CHFR: variants seen among roughly 807,000 people sequenced by gnomAD.
CHFR encodes the protein E3 ubiquitin-protein ligase CHFR.
Under a neutral mutation model 87.6 loss-of-function variants are expected in CHFR, and 57 were observed. The ratio of observed to expected loss-of-function variants is 0.65; its 90% confidence interval spans 0.53 to 0.81. CHFR has a LOEUF of 0.81. CHFR is among the 30% of genes least tolerant of loss of function. The pLI is 0.00. For synonymous variants in CHFR, 381 were observed against 359.2 expected (o/e 1.06, Z -0.69); for missense variants, 797 against 865.8 (o/e 0.92, Z 1.00).
Position 132,859,244 on chromosome 12 carries a change from T to C in CHFR, c.752-17A>G, listed in dbSNP as rs1951158315. The C allele has an allele frequency of 8.7e-6, 14 of 1,608,408 alleles. No homozygotes were observed. Among genetic ancestry groups the C allele is most frequent in the African/African-American group, 1.3e-5 (1 of 74,846 alleles). ...GGTCCCCATCTACAGGAGAAAGGGA[T>C]GTGTTCTGTCGTAACCAAGAAGGAA... is the stretch of plus-strand genomic sequence containing the variant. On this transcript the variant is annotated splice_polypyrimidine_tract_variant and intron_variant, in intron 7 of 17. Transcript: ENST00000450056.
chr12:132,859,041 G>C (rs779551849), intron 8 of CHFR, 27 bp downstream of exon 8: 1 of 1,600,920 alleles, frequency 6.2e-7, no homozygotes, highest in East Asian at 2.2e-5. Flanking sequence ...GCCATGTTCC[G>C]TGAGCCAAGG....
intron 9 of CHFR, 155 bp downstream of exon 9, chr12:132,857,250 G>A: frequency 1.2e-6 from 1 of 810,530 alleles, no homozygotes; most frequent in Non-Finnish European, 2.0e-6. Flanking sequence ...GTGCCCGGGT[G>A]CTGGTGGAGG....
rs150476934 is a variant in CHFR at position 132,883,595 on chromosome 12, C to T, written c.133+3601G>A. On this transcript the variant is annotated intron_variant, in intron 2 of 17. Transcript: ENST00000450056. Reference sequence around the variant, plus strand: ...AAAAAAAATTAGCCGGGCATGGTGGCGGGTGCCTGTAGTCCCAGCTACTTG... The same window carrying T: ...AAAAAAAATTAGCCGGGCATGGTGGTGGGTGCCTGTAGTCCCAGCTACTTG... Among the ~76,000 whole-genome samples, 1,157 of 151,250 alleles carry T rather than the reference C, an allele frequency of 7.6e-3. 12 individuals are homozygous for T. Among genetic ancestry groups the T allele is most frequent in the African/African-American group, 0.027 (1,102 of 41,212 alleles).
Position 132,877,596 on chromosome 12 carries a change from T to C in CHFR, c.192A>G (p.Val64=). The C allele has an allele frequency of 6.2e-7, 1 of 1,613,552 alleles. No individual in the cohort carries two copies. The highest frequency in any genetic ancestry group is 8.5e-7 in the Non-Finnish European group (1 of 1,179,706). The change falls in exon 3 of 18, where the codon GTA becomes GTG. Residue 64 remains valine (V), a synonymous_variant. Coordinates refer to ENST00000450056, the MANE Select transcript of CHFR (RefSeq NM_001161346.2). ...KLVSGDHCRI[V]VDEKSGQVTL... is the part of the protein sequence containing the mutation. The stretch of plus-strand genomic sequence containing the variant: ...TCACCTGACCTGATTTTTCATCCAC[T>C]ACAATTCTACAGTGATCTCCAGAGA...
At chr12:132,859,269 A>G in intron 7 of CHFR, 42 bp from the exon 8 acceptor site, 1 of 1,575,244 alleles carries the variant, frequency 6.3e-7, no homozygotes, top group Non-Finnish European at 8.7e-7. Context: ...CCAAGAAGGA[A>G]ATACACGCAG....
At chr12:132,847,245 A>G in intron 14 of CHFR, 115 bp from the exon 15 acceptor site, 1 of 1,485,696 alleles carries the variant, frequency 6.7e-7, no homozygotes, top group Non-Finnish European at 9.0e-7. Context: ...GCCAAAGCTC[A>G]GACCCTTATA....
chr12:132,877,120 C>T (rs182899775), intron 3 of CHFR, among the ~76,000 whole-genome samples: 102 of 152,008 alleles, frequency 6.7e-4, no homozygotes, highest in African/African-American at 2.4e-3. Flanking sequence ...TTTCAACAGA[C>T]GCATATACGA....
chr12:132,859,028 AGTGCCAT>A, intron 8 of CHFR, 33 bp downstream of exon 8: 2 of 1,586,760 alleles, frequency 1.3e-6, no homozygotes, highest in Non-Finnish European at 1.7e-6. Flanking sequence ...AAGAACCTGC[AGTGCCAT>A]GTTCCGTGAG....
chr12:132,833,471 A>C lies in CHFR; in HGVS notation c.*8083T>G, dbSNP rs1169867711. On this transcript the variant is annotated 3_prime_UTR_variant, in exon 18 of 18. Coordinates refer to ENST00000450056, the MANE Select transcript of CHFR (RefSeq NM_001161346.2). The stretch of plus-strand genomic sequence containing the variant: ...GGCAACCCTGGGGAGGCTCGCTGCT[A>C]TTTCAGGCCGATGGTTGAGGGAGGA... 1.3e-5 allele frequency: 2 copies of C among 152,246 alleles called. No homozygotes were observed. The highest frequency in any genetic ancestry group is 3.8e-4 in the East Asian group (2 of 5,198). The allele number at this position is 152,246 out of a possible 1,614,324, so 9.4% of individuals were successfully genotyped here.
At position 132,833,854 on chromosome 12, in the gene CHFR, C is replaced by A. The variant is rs61952779; in HGVS notation, c.*7700G>T. The A allele has an allele frequency of 0.15, 22,563 of 152,378 alleles. 2,084 individuals are homozygous for A. The highest frequency in any genetic ancestry group is 0.21 in the Admixed American group (3,186 of 15,276). 9.4% of individuals were successfully genotyped at this position (152,378 alleles called of 1,614,324 possible). A position where few individuals can be genotyped will look rare whatever the true frequency, so the allele number is the denominator to read the frequency against. On this transcript the variant is annotated 3_prime_UTR_variant, in exon 18 of 18. Transcript: ENST00000450056. ...AGGAAAAGAAAAAAAAGGAATCATG[C>A]AGGTACTGGTGGGAACAGTGTCCCA...
chr12:132,873,641 C>T (rs1002280428), intron 3 of CHFR, among the ~76,000 whole-genome samples: 2 of 138,222 alleles, frequency 1.4e-5, no homozygotes, highest in East Asian at 2.4e-4. Context: ...GGGCTGGCTA[C>T]GGGGCTGGAG....
intron 11 of CHFR, among the ~76,000 whole-genome samples, chr12:132,852,611 G>A (rs1950972811): frequency 6.6e-6 from 1 of 152,122 alleles, no homozygotes; most frequent in Non-Finnish European, 1.5e-5. Context: ...AGAGGGAGGC[G>A]CTGGTCCCAC....
chr12:132,848,577 C>T lies in CHFR; in HGVS notation c.1576+64G>A, dbSNP rs1365490546. ...GGCTATGGACCCCACCATCCCCTGC[C>T]CTCAAGTTCACCAAGAGAACATGCA... On this transcript the variant is annotated intron_variant, in intron 13 of 17. Coordinates refer to ENST00000450056, the MANE Select transcript of CHFR (RefSeq NM_001161346.2). 7 of 1,278,610 alleles carry T rather than the reference C, an allele frequency of 5.5e-6. No individual in the cohort carries two copies. The African/African-American group carries it at 8.9e-5, about 16-fold the overall frequency. The allele number at this position is 1,278,610 out of a possible 1,614,324, so 79.2% of individuals were successfully genotyped here. A position where few individuals can be genotyped will look rare whatever the true frequency, so the allele number is the denominator to read the frequency against.
At chr12:132,871,272 C>G (rs1356146030) in intron 4 of CHFR, among the ~76,000 whole-genome samples, 1 of 151,788 alleles carries the variant, frequency 6.6e-6, no homozygotes, top group African/African-American at 2.4e-5. Context: ...GCCAACACGG[C>G]GAAACCCTGT....
chr12:132,871,440 G>C (rs1448413002), intron 4 of CHFR, among the ~76,000 whole-genome samples: 1 of 151,162 alleles, frequency 6.6e-6, no homozygotes, highest in African/African-American at 2.4e-5. Context: ...CAACAGAGCA[G>C]AGCGAGACTC....
intron 2 of CHFR, among the ~76,000 whole-genome samples, chr12:132,885,426 A>G (rs1464912381): frequency 6.7e-6 from 1 of 149,414 alleles, no homozygotes; most frequent in African/African-American, 2.5e-5. Flanking sequence ...ATATATAAAT[A>G]AATAAATAAA....
Position 132,887,358 on chromosome 12 carries a change from A to G in CHFR, c.-12-18T>C. On this transcript the variant is annotated intron_variant, in intron 1 of 17. Coordinates refer to ENST00000450056, the MANE Select transcript of CHFR (RefSeq NM_001161346.2). Reference sequence around the variant, plus strand: ...ATTCACATCTGCGGAGACCCCGGAAACGCCCATGGAGACTCCCGACCCCAG... The same window carrying G: ...ATTCACATCTGCGGAGACCCCGGAAGCGCCCATGGAGACTCCCGACCCCAG... 7.2e-7 allele frequency: 1 copy of G among 1,381,202 alleles called. No individual in the cohort carries two copies. Among genetic ancestry groups the G allele is most frequent in the Non-Finnish European group, 9.4e-7 (1 of 1,067,598 alleles). The allele number at this position is 1,381,202 out of a possible 1,614,324, so 85.6% of individuals were successfully genotyped here.
chr12:132,878,854 TTAAG>T (rs1951696918), intron 2 of CHFR, among the ~76,000 whole-genome samples: 1 of 151,270 alleles, frequency 6.6e-6, no homozygotes, highest in South Asian at 2.1e-4. Context: ...ACTCAGGGGC[TTAAG>T]TAATTCTTCA....
chr12:132,864,732 A>C (rs1216308363), intron 6 of CHFR, among the ~76,000 whole-genome samples: 1 of 151,930 alleles, frequency 6.6e-6, no homozygotes, highest in Admixed American at 6.6e-5. Flanking sequence ...CAGGCGATCC[A>C]ACCACCCGGC....
Sources: gnomAD v4.1 joint callset for allele counts (sites outside exome capture counted in the v4.1 genomes callset) on GRCh38, gnomAD v4.1.1 for gene constraint, MANE v1.5 for transcripts, NCBI Gene and HGNC (gene_info 2026-07-23, HGNC 2026-07-21) for gene names.